The following MAF variants were observed in gnomAD, a reference collection of about 807,000 sequenced individuals.
The protein encoded by MAF is transcription factor Maf.
Under a neutral mutation model 22.0 loss-of-function variants are expected in MAF, and 10 were observed. The observed-to-expected ratio is 0.45, with a 90% CI of 0.28 to 0.77. MAF has a LOEUF of 0.77. Ranked by LOEUF, MAF falls within the 30% of genes least tolerant of loss-of-function variation. The pLI is 0.12. For synonymous variants in MAF, 337 were observed against 255.8 expected (o/e 1.32, Z -3.03); for missense variants, 544 against 548.4 (o/e 0.99, Z 0.08).
the MAF span, among the ~76,000 whole-genome samples, chr16:79,429,639 C>G: frequency 2.0e-5 from 3 of 152,172 alleles, no homozygotes; most frequent in Non-Finnish European, 4.4e-5. Flanking sequence ...TCCCTGGTTT[C>G]TCGGGCTCCT....
the MAF span, among the ~76,000 whole-genome samples, chr16:79,216,627 G>C: frequency 2.7e-4 from 41 of 152,190 alleles, no homozygotes; most frequent in East Asian, 7.5e-3. Flanking sequence ...ACACATTAAA[G>C]GTAGGCTGGG....
At chr16:79,563,736 AAC>A in the MAF span, among the ~76,000 whole-genome samples, 4,257 of 143,660 alleles carry the variant, frequency 0.03, 64 homozygotes, top group African/African-American at 0.034. Flanking sequence ...TTAGCTAGCA[AAC>A]ACACACACAC....
chr16:79,322,088 C>T, the MAF span, among the ~76,000 whole-genome samples: 11 of 152,014 alleles, frequency 7.2e-5, no homozygotes, highest in African/African-American at 1.9e-4. Context: ...GAAAATTAGC[C>T]GGGTGTGGTA....
At chr16:79,404,529 C>A in the MAF span, among the ~76,000 whole-genome samples, 1 of 152,174 alleles carries the variant, frequency 6.6e-6, no homozygotes, top group Admixed American at 6.5e-5. Context: ...GAGACTGATT[C>A]TTGACAGGTG....
At chr16:79,448,560 G>C in the MAF span, among the ~76,000 whole-genome samples, 5 of 151,932 alleles carry the variant, frequency 3.3e-5, no homozygotes, top group African/African-American at 1.2e-4. Flanking sequence ...CGAGGAGCTG[G>C]GATTACAGGT....
chr16:79,344,186 A>C, the MAF span, among the ~76,000 whole-genome samples: 1 of 152,314 alleles, frequency 6.6e-6, no homozygotes, highest in African/African-American at 2.4e-5. Context: ...AATTGCATCT[A>C]TACTGCTCAA....
the MAF span, among the ~76,000 whole-genome samples, chr16:79,210,716 T>TA: frequency 6.6e-5 from 10 of 152,254 alleles, no homozygotes; most frequent in African/African-American, 2.4e-4. Context: ...TATTTTTAAT[T>TA]ATGGCTTGCA....
At chr16:79,243,865 A>G in the MAF span, among the ~76,000 whole-genome samples, 4 of 152,084 alleles carry the variant, frequency 2.6e-5, no homozygotes, top group Non-Finnish European at 4.4e-5. Flanking sequence ...AAGGTTGCCA[A>G]CCACGATCAA....
the MAF span, among the ~76,000 whole-genome samples, chr16:79,309,264 G>A: frequency 1.3e-5 from 2 of 152,196 alleles, no homozygotes; most frequent in South Asian, 2.1e-4. Context: ...GATGCCTTGA[G>A]CTATGACCAG....
At chr16:79,222,639 G>A in the MAF span, among the ~76,000 whole-genome samples, 47 of 152,134 alleles carry the variant, frequency 3.1e-4, 1 homozygote, top group African/African-American at 9.9e-4. Context: ...CCCATCTCAC[G>A]TGCAGAGACA....
chr16:79,398,237 C>T, the MAF span, among the ~76,000 whole-genome samples: 1 of 152,170 alleles, frequency 6.6e-6, no homozygotes, highest in Non-Finnish European at 1.5e-5. Flanking sequence ...CTTATAAGGA[C>T]CTTTGTGATT....
chr16:79,561,667 G>A, the MAF span, among the ~76,000 whole-genome samples: 753 of 152,248 alleles, frequency 4.9e-3, 7 homozygotes, highest in African/African-American at 0.017. Flanking sequence ...CTTCAGGAAA[G>A]GGAGCAGGAA....
the MAF span, among the ~76,000 whole-genome samples, chr16:79,322,318 G>C: frequency 1.3e-5 from 2 of 152,092 alleles, no homozygotes; most frequent in East Asian, 3.9e-4. Flanking sequence ...GGCACTCAGG[G>C]GGTCACCAAC....
At chr16:79,447,819 A>C in the MAF span, among the ~76,000 whole-genome samples, 407 of 143,910 alleles carry the variant, frequency 2.8e-3, 1 homozygote, top group Non-Finnish European at 5.1e-3. Flanking sequence ...GCTTGAGCCC[A>C]GGAGGTGGAG....
chr16:79,277,945 G>A, the MAF span, among the ~76,000 whole-genome samples: 26 of 152,278 alleles, frequency 1.7e-4, 1 homozygote, highest in Middle Eastern at 6.8e-3. Flanking sequence ...GGGCACATCT[G>A]TTAAGAATGC....
chr16:79,504,979 C>T, the MAF span, among the ~76,000 whole-genome samples: 1 of 152,118 alleles, frequency 6.6e-6, no homozygotes, highest in Non-Finnish European at 1.5e-5. Context: ...CCACATTTGC[C>T]CTTTTGGAGT....
At chr16:79,564,293 C>CT in the MAF span, among the ~76,000 whole-genome samples, 1 of 152,160 alleles carries the variant, frequency 6.6e-6, no homozygotes, top group East Asian at 1.9e-4. Flanking sequence ...TGGAAGACTT[C>CT]TTTTTTGCAT....
chr16:79,400,997 C>T, the MAF span, among the ~76,000 whole-genome samples: 3 of 152,198 alleles, frequency 2.0e-5, no homozygotes, highest in Non-Finnish European at 4.4e-5. Context: ...AGCCCTGGGG[C>T]CACAGACTCT....
the MAF span, among the ~76,000 whole-genome samples, chr16:79,427,795 G>C: frequency 2.0e-5 from 3 of 152,114 alleles, no homozygotes; most frequent in African/African-American, 7.2e-5. Context: ...CGTTGGTATA[G>C]CTGGCTTTCC....
Sources: allele counts gnomAD v4.1 joint callset (sites outside exome capture counted in the v4.1 genomes callset), GRCh38; gene constraint gnomAD v4.1.1; transcripts MANE v1.5; gene names NCBI Gene and HGNC (gene_info 2026-07-23, HGNC 2026-07-21).